RIT2: variants seen among roughly 807,000 people sequenced by gnomAD.
RIT2 encodes GTP-binding protein Rit2.
RIT2 carries 24 observed loss-of-function variants against 23.7 expected under a neutral mutation model. That is an observed-to-expected ratio of 1.01 (90% CI 0.73 to 1.43). The LOEUF is 1.43. RIT2 is among the 40% of genes most tolerant of loss of function. The probability of loss-of-function intolerance (pLI) is 0.00; values close to 1 mark genes in which losing one functional copy is unlikely to be tolerated. For synonymous variants in RIT2, 107 were observed against 91.1 expected (o/e 1.17, Z -0.99); for missense variants, 236 against 266.9 (o/e 0.88, Z 0.81).
intron 4 of RIT2, among the ~76,000 whole-genome samples, chr18:42,750,314 C>T (rs573480354): frequency 1.4e-4 from 22 of 151,834 alleles, no homozygotes; most frequent in African/African-American, 5.1e-4. Context: ...GAAGGAGATG[C>T]AAGAAAGTTT....
chr18:42,872,389 T>A (rs764029570), intron 4 of RIT2, among the ~76,000 whole-genome samples: 1 of 152,214 alleles, frequency 6.6e-6, no homozygotes, highest in Non-Finnish European at 1.5e-5. Flanking sequence ...CACCACCTCA[T>A]GATGTCAAAA....
intron 3 of RIT2, among the ~76,000 whole-genome samples, chr18:42,950,575 G>A (rs928032080): frequency 1.9e-4 from 29 of 151,962 alleles, no homozygotes; most frequent in South Asian, 6.2e-4. Flanking sequence ...CTTCTGCACC[G>A]CAAAAGAAAC....
chr18:42,823,210 C>A (rs1320297259), intron 4 of RIT2, among the ~76,000 whole-genome samples: 2 of 152,088 alleles, frequency 1.3e-5, no homozygotes, highest in South Asian at 4.1e-4. Flanking sequence ...GCTCCCTCAG[C>A]AGTGGTATTT....
intron 2 of RIT2, among the ~76,000 whole-genome samples, chr18:42,986,611 C>T (rs1281799483): frequency 6.6e-6 from 1 of 152,054 alleles, no homozygotes; most frequent in Non-Finnish European, 1.5e-5. Flanking sequence ...AAGCGATTCT[C>T]ATGCCACAGC....
intron 3 of RIT2, among the ~76,000 whole-genome samples, chr18:42,971,644 A>G (rs1318791705): frequency 6.6e-6 from 1 of 152,090 alleles, no homozygotes; most frequent in Non-Finnish European, 1.5e-5. Context: ...TTTCTAGTTC[A>G]CAAATCTGTG....
chr18:43,082,776 T>C (rs1913188368), intron 1 of RIT2, among the ~76,000 whole-genome samples: 1 of 151,960 alleles, frequency 6.6e-6, no homozygotes, highest in African/African-American at 2.4e-5. Context: ...CCCAATATCA[T>C]ACTGAATGGG....
At chr18:42,891,345 TA>T (rs1204699634) in intron 4 of RIT2, among the ~76,000 whole-genome samples, 1 of 152,094 alleles carries the variant, frequency 6.6e-6, no homozygotes, top group Non-Finnish European at 1.5e-5. Context: ...TTAAAACATA[TA>T]AACAATTATT....
chr18:42,833,039 G>A (rs1016904788), intron 4 of RIT2, among the ~76,000 whole-genome samples: 2 of 129,248 alleles, frequency 1.5e-5, no homozygotes, highest in African/African-American at 6.3e-5. Flanking sequence ...GGGTGACTGA[G>A]TGAGACTTCA....
At chr18:42,943,166 C>A (rs1447438463) in intron 3 of RIT2, among the ~76,000 whole-genome samples, 1 of 152,108 alleles carries the variant, frequency 6.6e-6, no homozygotes, top group African/African-American at 2.4e-5. Flanking sequence ...TTGTCCCCGC[C>A]CATGTTCTGT....
intron 4 of RIT2, among the ~76,000 whole-genome samples, chr18:42,818,944 T>C (rs1001108322): frequency 6.6e-6 from 1 of 152,098 alleles, no homozygotes; most frequent in Non-Finnish European, 1.5e-5. Flanking sequence ...CTTTAAAATA[T>C]GTTCCTATTC....
At chr18:42,997,441 G>A (rs370739808) in intron 2 of RIT2, among the ~76,000 whole-genome samples, 2 of 151,788 alleles carry the variant, frequency 1.3e-5, no homozygotes, top group African/African-American at 4.8e-5. Context: ...AAAAAGGAAC[G>A]AAAGAAAGAA....
chr18:42,826,777 A>G (rs943351201), intron 4 of RIT2, among the ~76,000 whole-genome samples: 3 of 152,158 alleles, frequency 2.0e-5, no homozygotes, highest in Non-Finnish European at 4.4e-5. Flanking sequence ...TGTGCCAAAT[A>G]CACGGTGAAT....
At chr18:42,817,001 GC>G (rs1222210242) in intron 4 of RIT2, among the ~76,000 whole-genome samples, 1 of 152,128 alleles carries the variant, frequency 6.6e-6, no homozygotes, top group Non-Finnish European at 1.5e-5. Flanking sequence ...TTCCCAACAA[GC>G]TTTCAGGGGG....
chr18:42,804,675 C>T (rs1905633567), intron 4 of RIT2, among the ~76,000 whole-genome samples: 1 of 151,914 alleles, frequency 6.6e-6, no homozygotes, highest in African/African-American at 2.4e-5. Context: ...TAACTCATGG[C>T]CTTGGTCCCG....
chr18:43,072,685 T>C (rs1165957823), intron 1 of RIT2, among the ~76,000 whole-genome samples: 1 of 152,212 alleles, frequency 6.6e-6, no homozygotes, highest in East Asian at 1.9e-4. Context: ...CACAAATCTT[T>C]ACCTTCTTGC....
chr18:42,782,041 AAAC>A (rs1336861346), intron 4 of RIT2, among the ~76,000 whole-genome samples: 1 of 152,170 alleles, frequency 6.6e-6, no homozygotes, highest in Non-Finnish European at 1.5e-5. Flanking sequence ...AAGTTTCAGA[AAAC>A]AATCTAACTG....
intron 2 of RIT2, among the ~76,000 whole-genome samples, chr18:43,001,245 G>A (rs1305669413): frequency 6.6e-6 from 1 of 152,006 alleles, no homozygotes; most frequent in Non-Finnish European, 1.5e-5. Flanking sequence ...TCAGCCTAGA[G>A]AGGGGAGGGC....
intron 2 of RIT2, among the ~76,000 whole-genome samples, chr18:43,026,027 C>A (rs1290842975): frequency 2.6e-5 from 4 of 151,900 alleles, no homozygotes; most frequent in Non-Finnish European, 5.9e-5. Context: ...AAATAAGCTG[C>A]AAAGTGAGGC....
chr18:42,855,377 G>A (rs1907154672), intron 4 of RIT2, among the ~76,000 whole-genome samples: 1 of 152,092 alleles, frequency 6.6e-6, no homozygotes. Flanking sequence ...ATTTTGAAAG[G>A]GAAGAATAGT....
Sources: gnomAD v4.1 joint callset for allele counts (sites outside exome capture counted in the v4.1 genomes callset) on GRCh38, gnomAD v4.1.1 for gene constraint, MANE v1.5 for transcripts, NCBI Gene and HGNC (gene_info 2026-07-23, HGNC 2026-07-21) for gene names.